Variants in LCLAT1 observed in about 807,000 individuals in gnomAD.
LCLAT1 encodes the protein lysocardiolipin acyltransferase 1.
A neutral mutation model predicts 30.7 loss-of-function variants in LCLAT1; 11 were observed. The observed-to-expected ratio is 0.36, with a 90% CI of 0.23 to 0.59. LCLAT1 has a LOEUF of 0.59. LCLAT1 is among the 20% of genes least tolerant of loss of function. The pLI is 0.77. For missense variants in LCLAT1, 402 were observed against 458.6 expected, an observed-to-expected ratio of 0.88 and a Z score of 1.13; for synonymous variants, 155 against 151.3, an observed-to-expected ratio of 1.02 and a Z score of -0.18.
chr2:30,463,888 T>C (rs1335919747), intron 1 of LCLAT1, among the ~76,000 whole-genome samples: 2 of 152,242 alleles, frequency 1.3e-5, no homozygotes, highest in Non-Finnish European at 2.9e-5. Context: ...TTGATGGACG[T>C]TTATACTATT....
Position 30,533,106 on chromosome 2 carries a change from G to GT in LCLAT1, c.166-6dup, listed in dbSNP as rs1372438696. On this transcript the variant is annotated splice_polypyrimidine_tract_variant and intron_variant, in intron 2 of 5. Transcript: ENST00000379509. ...CTTTAATTTGCTGTATATCTGTATTGTTTTCTTAGGCATTATTGGAGACCA... is the reference window on the plus strand; with the variant it reads ...CTTTAATTTGCTGTATATCTGTATTGTTTTTCTTAGGCATTATTGGAGACCA... 6.3e-7 allele frequency: 1 copy of GT among 1,597,406 alleles called. No individual in the cohort carries two copies.
intron 5 of LCLAT1, among the ~76,000 whole-genome samples, chr2:30,612,920 T>G (rs1161364939): frequency 6.6e-6 from 1 of 152,094 alleles, no homozygotes; most frequent in Non-Finnish European, 1.5e-5. Flanking sequence ...AAACAAAAAT[T>G]TAGACAATAA....
chr2:30,493,106 G>A (rs915414385), intron 1 of LCLAT1, among the ~76,000 whole-genome samples: 2 of 152,162 alleles, frequency 1.3e-5, no homozygotes, highest in African/African-American at 4.8e-5. Context: ...AAGCAAGACA[G>A]TTGCAGTAAT....
chr2:30,532,516 A>G (rs925783614), intron 2 of LCLAT1, among the ~76,000 whole-genome samples: 10 of 152,184 alleles, frequency 6.6e-5, no homozygotes, highest in African/African-American at 2.4e-4. Flanking sequence ...TATGTATTAT[A>G]TACCTGGCCC....
At chr2:30,492,399 A>G (rs1248804350) in intron 1 of LCLAT1, among the ~76,000 whole-genome samples, 1 of 152,124 alleles carries the variant, frequency 6.6e-6, no homozygotes, top group South Asian at 2.1e-4. Context: ...ATGCTTAGAC[A>G]TGAGGTATAA....
chr2:30,501,689 T>C (rs1449959105), intron 1 of LCLAT1, among the ~76,000 whole-genome samples: 1 of 151,910 alleles, frequency 6.6e-6, no homozygotes, highest in African/African-American at 2.4e-5. Context: ...AAAGAAAAAA[T>C]AATTGATACA....
chr2:30,469,511 C>T (rs555907939), intron 1 of LCLAT1, among the ~76,000 whole-genome samples: 117 of 151,250 alleles, frequency 7.7e-4, no homozygotes, highest in African/African-American at 2.7e-3. Flanking sequence ...CGTTGAAAAT[C>T]AGTTGGCCAT....
rs185699321 is a variant in LCLAT1, at chr2:30,636,161, A to G, written c.629-3956A>G. Among the ~76,000 whole-genome samples, 19 of 152,346 alleles carry G rather than the reference A, an allele frequency of 1.2e-4. No individual in the cohort carries two copies. The East Asian group carries it at 3.7e-3, about 29-fold the overall frequency. ...GATTTGAGATGAAATACGTCAGGAAAAAAGGCTGAATATTTGAGGCAGAGG... is the reference window on the plus strand; with the variant it reads ...GATTTGAGATGAAATACGTCAGGAAGAAAGGCTGAATATTTGAGGCAGAGG... On this transcript the variant is annotated intron_variant, in intron 5 of 5. Transcript: ENST00000379509.
chr2:30,453,946 C>G (rs142837230), intron 1 of LCLAT1, among the ~76,000 whole-genome samples: 7 of 152,212 alleles, frequency 4.6e-5, no homozygotes, highest in African/African-American at 1.7e-4. Flanking sequence ...AAACAGAAGC[C>G]CAAAGAAGGT....
chr2:30,573,284 T>C (rs1255395645), intron 5 of LCLAT1, among the ~76,000 whole-genome samples: 1 of 152,212 alleles, frequency 6.6e-6, no homozygotes, highest in Non-Finnish European at 1.5e-5. Context: ...TGGGCCTTCA[T>C]TGTATGTTCC....
At chr2:30,549,780 A>C (rs1664597809) in intron 3 of LCLAT1, among the ~76,000 whole-genome samples, 1 of 152,206 alleles carries the variant, frequency 6.6e-6, no homozygotes, top group East Asian at 1.9e-4. Flanking sequence ...AAAATGAATT[A>C]GCTGTTGTAT....
At chr2:30,518,456 G>A (rs1685301418) in intron 1 of LCLAT1, among the ~76,000 whole-genome samples, 2 of 152,166 alleles carry the variant, frequency 1.3e-5, no homozygotes, top group South Asian at 4.1e-4. Context: ...AAGCCTTAAA[G>A]TACTTACAGA....
chr2:30,500,540 C>T (rs1269417046), intron 1 of LCLAT1, among the ~76,000 whole-genome samples: 1 of 152,160 alleles, frequency 6.6e-6, no homozygotes, highest in Non-Finnish European at 1.5e-5. Context: ...TTAACTCTTT[C>T]TAGTTACAAA....
intron 5 of LCLAT1, among the ~76,000 whole-genome samples, chr2:30,624,887 G>A (rs1253311367): frequency 6.6e-6 from 1 of 151,994 alleles, no homozygotes; most frequent in African/African-American, 2.4e-5. Flanking sequence ...CAATAAATTC[G>A]AGAAAAATGA....
intron 5 of LCLAT1, among the ~76,000 whole-genome samples, chr2:30,589,300 G>T (rs1475129185): frequency 6.6e-6 from 1 of 152,168 alleles, no homozygotes; most frequent in African/African-American, 2.4e-5. Flanking sequence ...TAGGGGAGTT[G>T]TATATGACAC....
At chr2:30,605,755 A>T (rs1667407089) in intron 5 of LCLAT1, among the ~76,000 whole-genome samples, 1 of 152,170 alleles carries the variant, frequency 6.6e-6, no homozygotes. Context: ...TAATAGAGAA[A>T]TGGATGAGCA....
chr2:30,564,582 C>T (rs1437046641), intron 4 of LCLAT1, among the ~76,000 whole-genome samples: 1 of 151,584 alleles, frequency 6.6e-6, no homozygotes, highest in Non-Finnish European at 1.5e-5. Flanking sequence ...TAGACTTTGC[C>T]AAGGAGAAAA....
At chr2:30,508,272 G>A (rs1182908073) in intron 1 of LCLAT1, among the ~76,000 whole-genome samples, 2 of 152,100 alleles carry the variant, frequency 1.3e-5, no homozygotes, top group African/African-American at 4.8e-5. Context: ...CTGTGCAAAA[G>A]TTTTTAGTTT....
chr2:30,570,249 T>A (rs567204897), intron 5 of LCLAT1, among the ~76,000 whole-genome samples: 23 of 152,208 alleles, frequency 1.5e-4, no homozygotes, highest in African/African-American at 5.5e-4. Context: ...CTCCCCAACA[T>A]CCCTCCTGTA....
Sources: allele counts gnomAD v4.1 joint callset (sites outside exome capture counted in the v4.1 genomes callset), GRCh38; gene constraint gnomAD v4.1.1; transcripts MANE v1.5; gene names NCBI Gene and HGNC (gene_info 2026-07-23, HGNC 2026-07-21).